Variants in PRELID2 observed in about 807,000 individuals in gnomAD.
PRELID2 encodes the protein PRELI domain containing 2.
A neutral mutation model predicts 28.4 loss-of-function variants in PRELID2; 25 were observed. The ratio of observed to expected loss-of-function variants is 0.88; its 90% CI spans 0.64 to 1.23. The LOEUF (loss-of-function observed/expected upper bound fraction) is 1.23, where lower values mean the gene tolerates loss of function less well. PRELID2 is among the 50% of genes most tolerant of loss of function. The probability of loss-of-function intolerance (pLI) is 0.00; values close to 1 mark genes in which losing one functional copy is unlikely to be tolerated. For missense variants in PRELID2, 201 were observed against 214.4 expected (o/e 0.94, Z 0.39); for synonymous variants, 76 against 71.6 (o/e 1.06, Z -0.31).
chr5:145,250,014 A>G, the PRELID2 span, among the ~76,000 whole-genome samples: 1 of 152,000 alleles, frequency 6.6e-6, no homozygotes, highest in East Asian at 1.9e-4. Flanking sequence ...AGATGAAGAC[A>G]TTTAACTGAA....
chr5:145,412,855 C>T, the PRELID2 span, among the ~76,000 whole-genome samples: 13 of 152,212 alleles, frequency 8.5e-5, no homozygotes, highest in South Asian at 2.1e-4. Context: ...GCGGAAGGCA[C>T]GTCTTCACAG....
chr5:145,257,192 G>C, the PRELID2 span, among the ~76,000 whole-genome samples: 2 of 151,392 alleles, frequency 1.3e-5, no homozygotes, highest in Non-Finnish European at 1.5e-5. Flanking sequence ...GTGTGGTTTA[G>C]AGTGTGTGTA....
the PRELID2 span, among the ~76,000 whole-genome samples, chr5:145,446,172 T>A: frequency 1.3e-5 from 2 of 151,992 alleles, no homozygotes; most frequent in African/African-American, 4.8e-5. Flanking sequence ...TTTGAGATAA[T>A]GGATATGCTA....
the PRELID2 span, among the ~76,000 whole-genome samples, chr5:145,372,268 T>C: frequency 4.6e-5 from 7 of 152,138 alleles, no homozygotes; most frequent in Admixed American, 4.6e-4. Flanking sequence ...AGTGAGTTTC[T>C]TAATCCTGAG....
At chr5:145,784,532 G>C (rs1211139147) in intron 5 of PRELID2, among the ~76,000 whole-genome samples, 1 of 152,112 alleles carries the variant, frequency 6.6e-6, no homozygotes, top group African/African-American at 2.4e-5. Flanking sequence ...TTGGCAATAA[G>C]CATGAAAGGT....
chr5:145,554,746 T>A (rs550932176), intron 1 of PRELID2, among the ~76,000 whole-genome samples: 111 of 152,346 alleles, frequency 7.3e-4, no homozygotes, highest in African/African-American at 2.5e-3. Flanking sequence ...TTGTTTGACT[T>A]TTCAAGAACT....
chr5:145,728,391 G>A (rs1756237427), intron 1 of PRELID2: 5 of 484,514 alleles, frequency 1.0e-5, no homozygotes, highest in South Asian at 6.8e-5. Flanking sequence ...ATGGCCCTGG[G>A]TAGAGCTCAG....
intron 1 of PRELID2, among the ~76,000 whole-genome samples, chr5:145,585,282 T>C (rs1753143142): frequency 6.6e-6 from 1 of 151,940 alleles, no homozygotes; most frequent in South Asian, 2.1e-4. Flanking sequence ...CTAGGGCCTG[T>C]CGTGGTGGGG....
At chr5:145,518,044 G>A (rs1252145161) in intron 1 of PRELID2, among the ~76,000 whole-genome samples, 1 of 151,848 alleles carries the variant, frequency 6.6e-6, no homozygotes, top group East Asian at 1.9e-4. Flanking sequence ...TAATGTAGAT[G>A]GTGGGTTAAT....
At chr5:145,284,910 T>C in the PRELID2 span, among the ~76,000 whole-genome samples, 1 of 152,162 alleles carries the variant, frequency 6.6e-6, no homozygotes, top group Middle Eastern at 3.4e-3. Flanking sequence ...GCATTCAATA[T>C]AATTATTATT....
chr5:145,283,486 C>T, the PRELID2 span, among the ~76,000 whole-genome samples: 1 of 152,124 alleles, frequency 6.6e-6, no homozygotes, highest in African/African-American at 2.4e-5. Flanking sequence ...AAATAAATTC[C>T]ATTTTTAAGT....
the PRELID2 span, among the ~76,000 whole-genome samples, chr5:145,304,118 A>T: frequency 3.3e-3 from 498 of 152,318 alleles, 2 homozygotes; most frequent in African/African-American, 0.012. Context: ...TATCGTTTAT[A>T]AAATATTGGC....
At chr5:145,323,625 T>C in the PRELID2 span, among the ~76,000 whole-genome samples, 1 of 152,172 alleles carries the variant, frequency 6.6e-6, no homozygotes, top group Non-Finnish European at 1.5e-5. Flanking sequence ...GCACCTTCCA[T>C]GTTCAAGTAA....
At chr5:145,554,454 T>A (rs1002508317) in intron 1 of PRELID2, among the ~76,000 whole-genome samples, 1 of 152,058 alleles carries the variant, frequency 6.6e-6, no homozygotes, top group Non-Finnish European at 1.5e-5. Context: ...CAGAGAGAAG[T>A]TTCAGAGATG....
the PRELID2 span, among the ~76,000 whole-genome samples, chr5:145,311,406 T>C: frequency 6.6e-6 from 1 of 152,146 alleles, no homozygotes; most frequent in Non-Finnish European, 1.5e-5. Context: ...TTGTTAGTTT[T>C]GGACAAAGAA....
the PRELID2 span, among the ~76,000 whole-genome samples, chr5:145,366,267 G>A: frequency 3.9e-5 from 6 of 151,928 alleles, no homozygotes; most frequent in South Asian, 2.1e-4. Flanking sequence ...GAGCAGTTGC[G>A]GCATGACACT....
intron 5 of PRELID2, among the ~76,000 whole-genome samples, chr5:145,771,751 A>C (rs1213629525): frequency 6.6e-6 from 1 of 152,124 alleles, no homozygotes; most frequent in Non-Finnish European, 1.5e-5. Flanking sequence ...GCTACTTGGG[A>C]GGCTGAGGCA....
intron 5 of PRELID2, among the ~76,000 whole-genome samples, chr5:145,790,308 T>C (rs1287072264): frequency 2.6e-5 from 4 of 152,298 alleles, no homozygotes; most frequent in African/African-American, 9.6e-5. Flanking sequence ...GGAGTACTAG[T>C]CAGCCTTAAA....
the PRELID2 span, among the ~76,000 whole-genome samples, chr5:145,274,793 G>A: frequency 5.3e-5 from 8 of 152,072 alleles, no homozygotes; most frequent in African/African-American, 1.4e-4. Flanking sequence ...TAGAGAATGC[G>A]AGTCAATTAT....
Sources: gnomAD v4.1 joint callset for allele counts (sites outside exome capture counted in the v4.1 genomes callset) on GRCh38, gnomAD v4.1.1 for gene constraint, MANE v1.5 for transcripts, NCBI Gene and HGNC (gene_info 2026-07-23, HGNC 2026-07-21) for gene names.